Variants in EXO5 observed in about 807,000 individuals in gnomAD.
EXO5 encodes the protein exonuclease 5.
In EXO5, 11 loss-of-function variants were observed where a neutral mutation model predicts 17.8. The ratio of observed to expected loss-of-function variants is 0.62; its 90% confidence interval spans 0.39 to 1.02. The LOEUF is 1.02. EXO5 is among the 50% of genes least tolerant of loss of function. The pLI, the probability that EXO5 is intolerant of heterozygous loss-of-function variation, is 0.00. For missense variants in EXO5, 364 were observed against 434.8 expected, an observed-to-expected ratio of 0.84 and a Z score of 1.45; for synonymous variants, 147 against 166.5, an observed-to-expected ratio of 0.88 and a Z score of 0.90.
chr1:40,514,895 T>G lies in EXO5; in HGVS notation c.351T>G (p.Gly117=), dbSNP rs761018348. 6.2e-7 allele frequency: 1 copy of G among 1,614,176 alleles called. No homozygotes were observed. Among genetic ancestry groups the G allele is most frequent in the South Asian group, 1.1e-5 (1 of 91,082 alleles). Residue 117 remains glycine (G), a synonymous_variant, in exon 4 of 4, where the codon GGT becomes GGG. Transcript: ENST00000415550. ...AGAAGGCAGCTGTGTTGGACACTGGTGCCAGCATACACCTAGCTAGAGAAC... is the reference window on the plus strand; with the variant it reads ...AGAAGGCAGCTGTGTTGGACACTGGGGCCAGCATACACCTAGCTAGAGAAC... The part of the protein sequence containing the change: ...APEKAAVLDT[G]ASIHLARELE...
chr1:40,514,152 C>T (rs554363078), intron 3 of EXO5, among the ~76,000 whole-genome samples: 115 of 151,730 alleles, frequency 7.6e-4, no homozygotes, highest in African/African-American at 2.5e-3. Flanking sequence ...TGGTGGCGGG[C>T]GCCTGTAGTC....
chr1:40,514,085 C>A (rs1392402890), intron 3 of EXO5, among the ~76,000 whole-genome samples: 1 of 151,770 alleles, frequency 6.6e-6, no homozygotes. Flanking sequence ...TCGAGACCAT[C>A]CTGGCTAACA....
Position 40,514,929 on chromosome 1 carries a change from CA to C in EXO5, c.386del (p.His129LeufsTer4), listed in dbSNP as rs768152931. ...ACACCTAGCTAGAGAACTAGAACTT[CA>C]TGATCTTGTGACTGTCCCAGTCACC... ...SIHLARELEL[H>X]DLVTVPVTTK... On this transcript the variant is annotated frameshift_variant, in exon 4 of 4. Coordinates refer to ENST00000415550, the MANE Select transcript of EXO5 (RefSeq NM_001346953.2). LOFTEE classifies it high-confidence loss of function. 6.2e-7 allele frequency: 1 copy of C among 1,614,046 alleles called. No individual in the cohort carries two copies. Among genetic ancestry groups the C allele is most frequent in the Non-Finnish European group, 8.5e-7 (1 of 1,180,026 alleles).
chr1:40,515,427 A>G lies in EXO5; in HGVS notation c.883A>G (p.Ile295Val). 1 of 1,614,038 alleles carries G rather than the reference A, an allele frequency of 6.2e-7. No individual in the cohort carries two copies. Among genetic ancestry groups the G allele is most frequent in the Non-Finnish European group, 8.5e-7 (1 of 1,180,008 alleles). Residue 295 changes from isoleucine to valine, a missense_variant, in exon 4 of 4, where the codon ATC becomes GTC. Physicochemically the swap from Ile to Val is conservative, Grantham distance 29. Transcript: ENST00000415550. ...PVIDILKIEY[I>V]HQETATVLGT... ...TATTGATATCTTGAAGATTGAGTAT[A>G]TCCACCAAGAGACTGCCACTGTGCT...
chr1:40,510,987 G>A lies in EXO5; in HGVS notation c.-31+1197G>A, dbSNP rs1038848807. Among the ~76,000 whole-genome samples, 4 of 152,326 alleles carry A rather than the reference G, an allele frequency of 2.6e-5. No individual in the cohort carries two copies. In the East Asian group the frequency reaches 5.8e-4, roughly 22 times the overall value. On this transcript the variant is annotated intron_variant, in intron 3 of 3. Transcript: ENST00000415550. ...GCGGTGGCTCACGCCTGTAATCACA[G>A]CACTTTGGGAGGCCGAGGCGGGTGC...
rs992870478 is a variant in EXO5 at position 40,515,992 on chromosome 1, A to C, written c.*326A>C. The C allele has an allele frequency of 3.8e-6, 1 of 263,840 alleles. No individual in the cohort carries two copies. Among genetic ancestry groups the C allele is most frequent in the Non-Finnish European group, 7.7e-6 (1 of 129,278 alleles). 16.3% of individuals were successfully genotyped at this position (263,840 alleles called of 1,614,324 possible). A position where few individuals can be genotyped will look rare whatever the true frequency, so the allele number is the denominator to read the frequency against. ...ATAAGTCATCCCTATTTTTATCTTG[A>C]TCAAGGCTTTCTACAGTTACATAAT... On this transcript the variant is annotated 3_prime_UTR_variant, in exon 4 of 4. Transcript: ENST00000415550.
chr1:40,510,734 A>G (rs1374670393), intron 3 of EXO5, among the ~76,000 whole-genome samples: 1 of 152,222 alleles, frequency 6.6e-6, no homozygotes, highest in Non-Finnish European at 1.5e-5. Flanking sequence ...GTAGCTACTG[A>G]GCACTTAATA....
intron 3 of EXO5, among the ~76,000 whole-genome samples, chr1:40,510,231 A>G (rs1222345954): frequency 6.6e-6 from 1 of 152,154 alleles, no homozygotes; most frequent in East Asian, 1.9e-4. Context: ...GTCCTAAGAA[A>G]CAATATCTGT....
Position 40,515,072 on chromosome 1 carries a change from T to A in EXO5, c.528T>A (p.Leu176=). ...FPVFGEGEGV[L]LVGVIDELHY... ...TGTTTGGGGAAGGGGAGGGTGTACT[T>A]CTTGTTGGAGTGATTGATGAGCTGC... is the stretch of plus-strand genomic sequence containing the variant. Residue 176 remains leucine, a synonymous_variant, in exon 4 of 4, where the codon CTT becomes CTA. Coordinates refer to ENST00000415550, the MANE Select transcript of EXO5 (RefSeq NM_001346953.2). 1.2e-6 allele frequency: 2 copies of A among 1,614,000 alleles called. No individual in the cohort carries two copies. The highest frequency in any genetic ancestry group is 1.7e-6 in the Non-Finnish European group (2 of 1,179,976).
At chr1:40,513,820 C>T (rs527812992) in intron 3 of EXO5, among the ~76,000 whole-genome samples, 3 of 151,628 alleles carry the variant, frequency 2.0e-5, no homozygotes, top group South Asian at 2.1e-4. Context: ...AACTCCTGAC[C>T]TCAAGTGATC....
Position 40,508,792 on chromosome 1 carries a change from C to G in EXO5, c.-380C>G, listed in dbSNP as rs895515788. Reference sequence around the variant, plus strand: ...GCGAGTGGCGGGCCGACTGTGTAGTCCGCTCCGGCAGCGCGCTCTGCCCGG... The same window carrying G: ...GCGAGTGGCGGGCCGACTGTGTAGTGCGCTCCGGCAGCGCGCTCTGCCCGG... On this transcript the variant is annotated 5_prime_UTR_variant, in exon 1 of 4. Coordinates refer to ENST00000415550, the MANE Select transcript of EXO5 (RefSeq NM_001346953.2). This position sits in a 1 kb window ranked among gnomAD's most constrained non-coding sequence, Gnocchi z 4.2. The G allele has an allele frequency of 6.6e-6, 1 of 152,192 alleles. No individual in the cohort carries two copies. Among genetic ancestry groups the G allele is most frequent in the African/African-American group, 2.4e-5 (1 of 41,440 alleles). The allele number at this position is 152,192 out of a possible 1,614,324, so 9.4% of individuals were successfully genotyped here. A position where few individuals can be genotyped will look rare whatever the true frequency, so the allele number is the denominator to read the frequency against.
chr1:40,512,347 A>G (rs1027418943), intron 3 of EXO5, among the ~76,000 whole-genome samples: 1 of 152,330 alleles, frequency 6.6e-6, no homozygotes, highest in Middle Eastern at 3.4e-3. Context: ...CAGATGTGAT[A>G]ATGTAGTTAT....
chr1:40,512,775 G>C (rs2124486711), intron 3 of EXO5, among the ~76,000 whole-genome samples: 1 of 152,084 alleles, frequency 6.6e-6, no homozygotes, highest in South Asian at 2.1e-4. Context: ...CTAATTTTTT[G>C]TATTTTTAGT....
Position 40,514,907 on chromosome 1 carries a change from CCTAG to C in EXO5, c.368_371del (p.Ala123GlufsTer3). 6.2e-7 allele frequency: 1 copy of C among 1,614,146 alleles called. No homozygotes were observed. The highest frequency in any genetic ancestry group is 8.5e-7 in the Non-Finnish European group (1 of 1,180,002). ...TGTTGGACACTGGTGCCAGCATACA[CCTAG>C]CTAGAGAACTAGAACTTCATGATCT... On this transcript the variant is annotated frameshift_variant, in exon 4 of 4. Transcript: ENST00000415550. LOFTEE classifies it high-confidence loss of function.
Position 40,514,695 on chromosome 1 carries a change from C to T in EXO5, c.151C>T (p.Leu51Phe). The change falls in exon 4 of 4, where the codon CTT becomes TTT. Residue 51 changes from leucine to phenylalanine, a missense_variant. Coordinates refer to ENST00000415550, the MANE Select transcript of EXO5 (RefSeq NM_001346953.2). ...VNMPGPSSES[L>F]GKDDKPISLQ... ...CATGCCTGGCCCATCTTCTGAATCC[C>T]TTGGGAAGGATGACAAACCCATAAG... The T allele has an allele frequency of 6.2e-7, 1 of 1,614,160 alleles. No homozygotes were observed. The highest frequency in any genetic ancestry group is 8.5e-7 in the Non-Finnish European group (1 of 1,180,032).
intron 3 of EXO5, among the ~76,000 whole-genome samples, chr1:40,514,131 T>C (rs111682468): frequency 0.26 from 39,653 of 151,388 alleles, 6,727 homozygotes; most frequent in East Asian, 0.47. Context: ...ATACAAAAAA[T>C]TAGCCAGGCG....
At chr1:40,511,499 C>T (rs1254890462) in intron 3 of EXO5, among the ~76,000 whole-genome samples, 1 of 152,152 alleles carries the variant, frequency 6.6e-6, no homozygotes, top group African/African-American at 2.4e-5. Context: ...TTATTCATTG[C>T]AGATAACTTT....
At chr1:40,514,023 G>T (rs1209679732) in intron 3 of EXO5, among the ~76,000 whole-genome samples, 1 of 151,998 alleles carries the variant, frequency 6.6e-6, no homozygotes, top group Non-Finnish European at 1.5e-5. Context: ...GCTCATGCCT[G>T]TAATCCCAGC....
At chr1:40,511,128 G>A (rs924216166) in intron 3 of EXO5, among the ~76,000 whole-genome samples, 1 of 152,166 alleles carries the variant, frequency 6.6e-6, no homozygotes, top group Non-Finnish European at 1.5e-5. Flanking sequence ...CCAGCTACTC[G>A]GGAGGCTGAG....
Sources: gnomAD v4.1 joint callset for allele counts (sites outside exome capture counted in the v4.1 genomes callset) on GRCh38, gnomAD v4.1.1 for gene constraint, Gnocchi (gnomAD v3.1) non-coding constraint, MANE v1.5 for transcripts, NCBI Gene and HGNC (gene_info 2026-07-23, HGNC 2026-07-21) for gene names.